The following CALN1 variants were observed in gnomAD, a reference collection of about 807,000 sequenced individuals.
CALN1 encodes the protein calcium-binding protein 8.
A neutral mutation model predicts 30.6 loss-of-function variants in CALN1; 17 were observed. The ratio of observed to expected loss-of-function variants is 0.56; its 90% CI spans 0.38 to 0.83. The LOEUF (loss-of-function observed/expected upper bound fraction) is 0.83. CALN1 is among the 40% of genes least tolerant of loss of function. The probability of loss-of-function intolerance (pLI) is 0.00; values close to 1 mark genes in which losing one functional copy is unlikely to be tolerated. For synonymous variants in CALN1, 156 were observed against 131.4 expected (o/e 1.19, Z -1.28); for missense variants, 291 against 354.9 (o/e 0.82, Z 1.45).
intron 3 of CALN1, among the ~76,000 whole-genome samples, chr7:72,197,048 T>C (rs764355334): frequency 2.0e-5 from 3 of 152,184 alleles, no homozygotes; most frequent in Non-Finnish European, 4.4e-5. Context: ...ACTATGAAAT[T>C]TTACCTCTGG....
intron 5 of CALN1, among the ~76,000 whole-genome samples, chr7:72,023,393 G>GA (rs1800819682): frequency 6.6e-6 from 1 of 151,882 alleles, no homozygotes; most frequent in African/African-American, 2.4e-5. Flanking sequence ...GTGTCCCCAG[G>GA]AAAAAGACTT....
intron 5 of CALN1, among the ~76,000 whole-genome samples, chr7:72,019,426 A>T (rs2129529916): frequency 6.6e-6 from 1 of 152,282 alleles, no homozygotes; most frequent in African/African-American, 2.4e-5. Flanking sequence ...CTTAATAGGG[A>T]TGACCTGTGT....
At chr7:71,893,588 G>A (rs1793373954) in intron 5 of CALN1, among the ~76,000 whole-genome samples, 2 of 152,002 alleles carry the variant, frequency 1.3e-5, no homozygotes, top group Admixed American at 6.6e-5. Flanking sequence ...CTACTTGGGA[G>A]GCTGAGGATG....
chr7:72,373,975 TGAAAG>T (rs1415027041), intron 2 of CALN1, among the ~76,000 whole-genome samples: 2 of 152,174 alleles, frequency 1.3e-5, no homozygotes, highest in Non-Finnish European at 2.9e-5. Flanking sequence ...TTGAAAGTGC[TGAAAG>T]GAAAGAATAT....
intron 3 of CALN1, among the ~76,000 whole-genome samples, chr7:72,239,506 C>T (rs932807879): frequency 6.6e-6 from 1 of 152,124 alleles, no homozygotes; most frequent in African/African-American, 2.4e-5. Context: ...TTGTATTCTG[C>T]ACATCTGACA....
At chr7:71,829,240 CT>C (rs1789116657) in intron 5 of CALN1, among the ~76,000 whole-genome samples, 1 of 152,036 alleles carries the variant, frequency 6.6e-6, no homozygotes, top group Non-Finnish European at 1.5e-5. Context: ...TCATGTAAGA[CT>C]GGGGGAGAGA....
chr7:72,154,687 T>A (rs529068466), intron 3 of CALN1, among the ~76,000 whole-genome samples: 4 of 151,652 alleles, frequency 2.6e-5, no homozygotes, highest in Non-Finnish European at 5.9e-5. Context: ...TTTAAGGAGG[T>A]TATGGGGTTA....
intron 3 of CALN1, among the ~76,000 whole-genome samples, chr7:72,165,744 G>A (rs1788478788): frequency 6.6e-6 from 1 of 151,860 alleles, no homozygotes; most frequent in Non-Finnish European, 1.5e-5. Context: ...TAAGCCATGA[G>A]GGCTGTCTCC....
At chr7:72,480,628 T>A in the CALN1 span, among the ~76,000 whole-genome samples, 5 of 152,208 alleles carry the variant, frequency 3.3e-5, no homozygotes, top group Non-Finnish European at 7.3e-5. Flanking sequence ...TCAGTAGAAT[T>A]CAGAATTCAT....
chr7:71,938,237 T>C (rs1386684390), intron 5 of CALN1, among the ~76,000 whole-genome samples: 1 of 152,038 alleles, frequency 6.6e-6, no homozygotes, highest in Non-Finnish European at 1.5e-5. Flanking sequence ...AGAAAGACAG[T>C]GAGAAAGTTG....
intron 2 of CALN1, among the ~76,000 whole-genome samples, chr7:72,322,151 G>A (rs1452143185): frequency 6.6e-6 from 1 of 152,110 alleles, no homozygotes; most frequent in Non-Finnish European, 1.5e-5. Context: ...TTATTTTTCT[G>A]CAACTGGATG....
the CALN1 span, among the ~76,000 whole-genome samples, chr7:72,471,742 G>C: frequency 2.7e-3 from 409 of 152,332 alleles, 2 homozygotes; most frequent in African/African-American, 9.5e-3. Flanking sequence ...GTTGAAAGGA[G>C]CTAAGTGTTA....
intron 6 of CALN1, among the ~76,000 whole-genome samples, chr7:71,791,199 T>G (rs1793361844): frequency 6.6e-6 from 1 of 152,188 alleles, no homozygotes; most frequent in Admixed American, 6.5e-5. Flanking sequence ...CTGTGTAGTA[T>G]TCCATGGTGT....
intron 3 of CALN1, among the ~76,000 whole-genome samples, chr7:72,150,456 A>C (rs550221421): frequency 1.6e-4 from 24 of 152,204 alleles, no homozygotes; most frequent in Non-Finnish European, 2.8e-4. Flanking sequence ...TATTAAAAAA[A>C]ACACTGATAA....
intron 2 of CALN1, among the ~76,000 whole-genome samples, chr7:72,282,403 G>A (rs988359150): frequency 6.6e-6 from 1 of 152,216 alleles, no homozygotes; most frequent in African/African-American, 2.4e-5. Context: ...GTGTCCCCCA[G>A]TAATTCATAC....
rs192298071 is a variant in CALN1 at position 72,152,661 on chromosome 7, T to G, written c.245-46367A>C. 9.0e-4 allele frequency among the ~76,000 whole-genome samples: 137 copies of G among 152,252 alleles called. 1 individual carries two copies. The highest frequency in any genetic ancestry group is 1.6e-4 in the Non-Finnish European group (11 of 68,018). On this transcript the variant is annotated intron_variant, in intron 3 of 6. Coordinates refer to ENST00000395275, the MANE Select transcript of CALN1 (RefSeq NM_031468.4). The stretch of plus-strand genomic sequence containing the variant: ...CGGCCAAAGCTGGTGCACATTGCCC[T>G]CCAGGAAAATTCAGGTCCTCAGACT...
chr7:72,151,902 ATTCTT>A (rs1457929062), intron 3 of CALN1, among the ~76,000 whole-genome samples: 2 of 133,106 alleles, frequency 1.5e-5, no homozygotes, highest in East Asian at 4.3e-4. Context: ...TTTTATTTTT[ATTCTT>A]TTCTTTTTTT....
intron 6 of CALN1, among the ~76,000 whole-genome samples, chr7:71,799,623 A>G (rs1396873575): frequency 6.6e-6 from 1 of 151,690 alleles, no homozygotes; most frequent in Non-Finnish European, 1.5e-5. Context: ...CCGCCACCAT[A>G]CCCAGCTAAT....
At chr7:72,334,648 C>A (rs1007850489) in intron 2 of CALN1, among the ~76,000 whole-genome samples, 2 of 152,192 alleles carry the variant, frequency 1.3e-5, no homozygotes, top group African/African-American at 4.8e-5. Context: ...GCACCCTAGC[C>A]GAAGGCCTGA....
Sources: allele counts gnomAD v4.1 joint callset (sites outside exome capture counted in the v4.1 genomes callset), GRCh38; gene constraint gnomAD v4.1.1; transcripts MANE v1.5; gene names NCBI Gene and HGNC (gene_info 2026-07-23, HGNC 2026-07-21).